PTPRC: variants seen among roughly 807,000 people sequenced by gnomAD.
The protein encoded by PTPRC is protein tyrosine phosphatase receptor type C.
PTPRC carries 44 observed loss-of-function variants against 155.9 expected under a neutral mutation model. The ratio of observed to expected loss-of-function variants is 0.28; its 90% CI spans 0.22 to 0.36. The LOEUF (loss-of-function observed/expected upper bound fraction) is 0.36, where lower values mean the gene tolerates loss of function less well. Among genes scored for constraint, PTPRC ranks in the 10% least tolerant of loss-of-function variants. The probability of loss-of-function intolerance (pLI) is 1.00; values close to 1 mark genes in which losing one functional copy is unlikely to be tolerated. For missense variants in PTPRC, 1,401 were observed against 1,564.6 expected, an observed-to-expected ratio of 0.90 and a Z score of 1.76; for synonymous variants, 525 against 533.1, an observed-to-expected ratio of 0.98 and a Z score of 0.21.
intron 4 of PTPRC, among the ~76,000 whole-genome samples, chr1:198,698,623 T>A (rs900413929): frequency 2.0e-5 from 3 of 152,016 alleles, no homozygotes; most frequent in African/African-American, 7.2e-5. Flanking sequence ...AATTTAATTA[T>A]GTAATTTTAT....
intron 2 of PTPRC, among the ~76,000 whole-genome samples, chr1:198,668,255 A>C (rs1664437189): frequency 6.6e-6 from 1 of 152,072 alleles, no homozygotes; most frequent in South Asian, 2.1e-4. Context: ...TATATTCCCC[A>C]GGCTGGTTTC....
intron 2 of PTPRC, among the ~76,000 whole-genome samples, chr1:198,676,538 C>T (rs1664963545): frequency 6.6e-6 from 1 of 152,062 alleles, no homozygotes; most frequent in Non-Finnish European, 1.5e-5. Flanking sequence ...TGAGGGCTGG[C>T]ATTCAGAACC....
chr1:198,741,613 A>T (rs1275718340), intron 23 of PTPRC, among the ~76,000 whole-genome samples: 1 of 151,832 alleles, frequency 6.6e-6, no homozygotes, highest in Non-Finnish European at 1.5e-5. Context: ...TACCTTACTT[A>T]CCTTACTGTT....
intron 12 of PTPRC, among the ~76,000 whole-genome samples, chr1:198,715,359 G>A (rs1334466395): frequency 6.8e-5 from 10 of 147,816 alleles, no homozygotes; most frequent in East Asian, 3.9e-4. Context: ...TCCTGATCTC[G>A]TGTGATCCGA....
chr1:198,730,843 G>C (rs2102480534), intron 17 of PTPRC, among the ~76,000 whole-genome samples: 1 of 152,174 alleles, frequency 6.6e-6, no homozygotes, highest in Non-Finnish European at 1.5e-5. Flanking sequence ...TAAGATAAAT[G>C]GGTCACCCTC....
intron 23 of PTPRC, among the ~76,000 whole-genome samples, chr1:198,738,828 C>T (rs1220379418): frequency 6.6e-6 from 1 of 151,688 alleles, no homozygotes; most frequent in Non-Finnish European, 1.5e-5. Flanking sequence ...CGTTTCATTA[C>T]TTGTTGTCTG....
At chr1:198,644,639 A>G (rs1662837678) in intron 2 of PTPRC, among the ~76,000 whole-genome samples, 1 of 151,862 alleles carries the variant, frequency 6.6e-6, no homozygotes, top group East Asian at 1.9e-4. Context: ...AAATAGAGAA[A>G]CAAAAGCTTT....
chr1:198,696,097 T>C (rs1001661807), intron 3 of PTPRC, among the ~76,000 whole-genome samples: 1 of 151,534 alleles, frequency 6.6e-6, no homozygotes, highest in Non-Finnish European at 1.5e-5. Flanking sequence ...GAGTCGGAGG[T>C]TGCAGTGAGC....
intron 2 of PTPRC, among the ~76,000 whole-genome samples, chr1:198,688,838 G>A (rs549081139): frequency 2.6e-5 from 4 of 152,220 alleles, no homozygotes; most frequent in South Asian, 4.1e-4. Context: ...AAAAGGGGAC[G>A]CCTGATGAAT....
intron 2 of PTPRC, among the ~76,000 whole-genome samples, chr1:198,666,646 G>A (rs940779685): frequency 6.6e-6 from 1 of 152,114 alleles, no homozygotes; most frequent in Non-Finnish European, 1.5e-5. Flanking sequence ...GGCTTAGAAA[G>A]ACTAGACACA....
chr1:198,642,906 TC>T (rs933966868), intron 2 of PTPRC, among the ~76,000 whole-genome samples: 3 of 125,794 alleles, frequency 2.4e-5, no homozygotes, highest in Admixed American at 8.3e-5. Context: ...CTTTCTTTCT[TC>T]CTTTCTTTCT....
At chr1:198,719,533 A>G (rs760074126) in intron 14 of PTPRC, among the ~76,000 whole-genome samples, 1 of 152,014 alleles carries the variant, frequency 6.6e-6, no homozygotes, top group Non-Finnish European at 1.5e-5. Flanking sequence ...TTCCATAGTT[A>G]ATTTTTTAAT....
chr1:198,735,304 TAA>T, intron 23 of PTPRC, 52 bp downstream of exon 23: 2 of 1,399,220 alleles, frequency 1.4e-6, no homozygotes, highest in South Asian at 2.5e-5. Flanking sequence ...TATAAAAATA[TAA>T]TTATGGAATA....
chr1:198,649,306 C>G (rs1452815402), intron 2 of PTPRC, among the ~76,000 whole-genome samples: 1 of 151,752 alleles, frequency 6.6e-6, no homozygotes, highest in African/African-American at 2.4e-5. Flanking sequence ...TTTCCAATGA[C>G]CCATGTTCTT....
Position 198,692,352 on chromosome 1 carries a change from A to G in PTPRC, c.79A>G (p.Ser27Gly). The G allele has an allele frequency of 6.6e-7, 1 of 1,512,424 alleles. No individual in the cohort carries two copies. The highest frequency in any genetic ancestry group is 8.9e-7 in the Non-Finnish European group (1 of 1,127,256). 93.7% of individuals were successfully genotyped at this position (1,512,424 alleles called of 1,614,324 possible). A position where few individuals can be genotyped will look rare whatever the true frequency, so the allele number is the denominator to read the frequency against. ...LDTEVFVTGQ[S>G]PTPSPTGLTT... ...TTTTTGTTTCTTCTTTGCAGGGCAA[A>G]GCCCAACACCTTCCCCCACTGGTAA... Residue 27 changes from serine to glycine, a missense_variant, in exon 3 of 33, where the codon AGC becomes GGC. By Grantham distance (56) the Ser-to-Gly change is moderately conservative. Around this residue, in one of 3 missense-constraint regions of PTPRC, gnomAD observed 867 missense variants for 970.4 expected, o/e 0.89. Coordinates refer to ENST00000442510, the MANE Select transcript of PTPRC (RefSeq NM_002838.5).
In PTPRC at chr1:198,708,133, G is replaced by A. The variant is rs1653097095; in HGVS notation, c.905G>A (p.Gly302Glu). The A allele has an allele frequency of 6.2e-7, 1 of 1,602,052 alleles. No homozygotes were observed. The highest frequency in any genetic ancestry group is 2.2e-5 in the East Asian group (1 of 44,594). Residue 302 changes from glycine (G) to glutamate (E), a missense_variant and splice_region_variant, in exon 10 of 33, where the codon GGG becomes GAG. Physicochemically the swap from Gly to Glu is moderately conservative, Grantham distance 98. Around this residue, in one of 3 missense-constraint regions of PTPRC, gnomAD observed 867 missense variants for 970.4 expected, o/e 0.89. Transcript: ENST00000442510. ...DKTLILDVPP[G>E]VEKFQLHDCT... Reference sequence around the variant, plus strand: ...GTTTATTTCTGTATCTTCTTGTCAGGGGTTGAAAAGTTTCAGTTACATGAT... The same window carrying A: ...GTTTATTTCTGTATCTTCTTGTCAGAGGTTGAAAAGTTTCAGTTACATGAT...
Position 198,692,268 on chromosome 1 carries a change from T to C in PTPRC, c.74-79T>C. The C allele has an allele frequency of 1.1e-5, 12 of 1,052,958 alleles. No homozygotes were observed. In the South Asian group the frequency reaches 1.6e-4, roughly 14 times the overall value. 65.2% of individuals were successfully genotyped at this position (1,052,958 alleles called of 1,614,324 possible). A position where few individuals can be genotyped will look rare whatever the true frequency, so the allele number is the denominator to read the frequency against. The stretch of plus-strand genomic sequence containing the variant: ...TGTTCTATCATAGACTTGAGGTACA[T>C]ATAAAAATCTAATATATGTTTACAT... On this transcript the variant is annotated intron_variant, in intron 2 of 32. Coordinates refer to ENST00000442510, the MANE Select transcript of PTPRC (RefSeq NM_002838.5).
intron 29 of PTPRC, among the ~76,000 whole-genome samples, chr1:198,751,572 A>G (rs1655385549): frequency 6.6e-6 from 1 of 151,970 alleles, no homozygotes; most frequent in South Asian, 2.1e-4. Context: ...GATTTCTAGC[A>G]TGGAATTCCC....
At chr1:198,642,936 C>A (rs1276251615) in intron 2 of PTPRC, among the ~76,000 whole-genome samples, 2 of 147,632 alleles carry the variant, frequency 1.4e-5, no homozygotes, top group Admixed American at 1.4e-4. Context: ...TTCTTTCTTT[C>A]TTTCTTTCTT....
Sources: allele counts gnomAD v4.1 joint callset (sites outside exome capture counted in the v4.1 genomes callset), GRCh38; gene constraint gnomAD v4.1.1; regional missense constraint gnomAD v4.1.1; transcripts MANE v1.5; gene names NCBI Gene and HGNC (gene_info 2026-07-23, HGNC 2026-07-21).